Variants in RARB observed in about 807,000 individuals in gnomAD.
RARB encodes retinoic acid receptor beta, also known as HBV-activated protein.
Under a neutral mutation model 51.9 loss-of-function variants are expected in RARB, and 17 were observed. The observed-to-expected ratio is 0.33, with a 90% CI of 0.22 to 0.49. The LOEUF (loss-of-function observed/expected upper bound fraction) is 0.49. RARB is among the 20% of genes least tolerant of loss of function. The pLI is 0.99. For synonymous variants in RARB, 215 were observed against 195.4 expected, an observed-to-expected ratio of 1.10 and a Z score of -0.84; for missense variants, 369 against 550.8, an observed-to-expected ratio of 0.67 and a Z score of 3.30.
intron 5 of RARB, among the ~76,000 whole-genome samples, chr3:25,219,777 A>C (rs73149210): frequency 0.013 from 1,918 of 152,272 alleles, 41 homozygotes; most frequent in African/African-American, 0.044. Flanking sequence ...GAACCATACT[A>C]CCAAATGGTT....
At chr3:25,304,698 T>C (rs1704117046) in intron 5 of RARB, among the ~76,000 whole-genome samples, 1 of 152,176 alleles carries the variant, frequency 6.6e-6, no homozygotes, top group South Asian at 2.1e-4. Flanking sequence ...ATTATAATAG[T>C]TAATTAGTTT....
intron 4 of RARB, among the ~76,000 whole-genome samples, chr3:25,160,304 C>T (rs570788588): frequency 6.6e-6 from 1 of 152,290 alleles, no homozygotes; most frequent in African/African-American, 2.4e-5. Flanking sequence ...AAAGACTTTT[C>T]TAGGAAATGT....
intron 3 of RARB, among the ~76,000 whole-genome samples, chr3:25,506,273 A>C (rs1299515550): frequency 1.3e-5 from 2 of 151,282 alleles, no homozygotes; most frequent in African/African-American, 2.4e-5. Flanking sequence ...AAAAAAAAAA[A>C]AAACCAGCTC....
chr3:24,980,716 C>A (rs1696642864), intron 2 of RARB, among the ~76,000 whole-genome samples: 2 of 152,134 alleles, frequency 1.3e-5, no homozygotes. Context: ...GAACATGCTC[C>A]TTTAGCTCAG....
chr3:25,233,057 C>A (rs868723282), intron 5 of RARB, among the ~76,000 whole-genome samples: 1 of 145,646 alleles, frequency 6.9e-6, no homozygotes, highest in Middle Eastern at 3.8e-3. Flanking sequence ...CTTACTGCAA[C>A]CTCTGTCTTC....
intron 2 of RARB, among the ~76,000 whole-genome samples, chr3:24,905,124 T>C (rs1406304380): frequency 6.6e-6 from 1 of 152,100 alleles, no homozygotes; most frequent in Non-Finnish European, 1.5e-5. Flanking sequence ...ATCCCAGAAC[T>C]TAAAGTATAA....
intron 5 of RARB, among the ~76,000 whole-genome samples, chr3:25,208,205 G>GGGGATTACATCTC (rs1475293420): frequency 2.0e-5 from 3 of 152,180 alleles, no homozygotes; most frequent in Non-Finnish European, 4.4e-5. Context: ...CATCTCAACT[G>GGGGATTACATCTC]AAGATTTGGA....
intron 4 of RARB, chr3:25,174,072 G>C (rs1700695772): frequency 1.1e-5 from 2 of 177,596 alleles, no homozygotes; most frequent in African/African-American, 4.7e-5. Context: ...TGATAAAAAG[G>C]GAGAGATTTT....
At chr3:25,402,273 A>G (rs1260684929) in intron 5 of RARB, among the ~76,000 whole-genome samples, 4 of 152,190 alleles carry the variant, frequency 2.6e-5, no homozygotes, top group Non-Finnish European at 5.9e-5. Context: ...GAATTTGTTG[A>G]TGGTTTAGAA....
At chr3:25,287,521 C>T (rs1488536494) in intron 5 of RARB, among the ~76,000 whole-genome samples, 1 of 152,126 alleles carries the variant, frequency 6.6e-6, no homozygotes, top group African/African-American at 2.4e-5. Context: ...TGCTTCCATC[C>T]ATCCTATCCT....
At chr3:24,997,513 A>G (rs1356785580) in intron 2 of RARB, among the ~76,000 whole-genome samples, 4 of 151,652 alleles carry the variant, frequency 2.6e-5, no homozygotes, top group Non-Finnish European at 4.4e-5. Flanking sequence ...TATATTCTTC[A>G]TTCCTTAATT....
intron 5 of RARB, among the ~76,000 whole-genome samples, chr3:25,352,709 G>T (rs1041884465): frequency 6.6e-6 from 1 of 152,166 alleles, no homozygotes. Context: ...TCTGAACAGA[G>T]CTCAACTCAA....
chr3:25,386,260 A>G (rs1057000421), intron 5 of RARB, among the ~76,000 whole-genome samples: 6 of 151,792 alleles, frequency 4.0e-5, no homozygotes, highest in African/African-American at 1.5e-4. Context: ...TGGAAAGGGA[A>G]GGGTGGGGAA....
chr3:25,160,924 T>A lies in RARB; in HGVS notation c.-279-13195T>A, dbSNP rs148340221. On this transcript the variant is annotated intron_variant, in intron 4 of 11. Coordinates refer to the RARB transcript ENST00000383772. ...CATCACATCACCTTCTCCTCTTCTA[T>A]AATCAAATCTCCCTTTGCCTCCCTC... Among the ~76,000 whole-genome samples, 16 of 152,248 alleles carry A rather than the reference T, an allele frequency of 1.1e-4. 1 individual carries two copies. The South Asian group carries it at 2.3e-3, about 22-fold the overall frequency.
intron 2 of RARB, among the ~76,000 whole-genome samples, chr3:24,877,345 A>ATTTTTTTTTTTTTTTTTTTTTT (rs1559379782): frequency 5.6e-5 from 1 of 17,760 alleles, no homozygotes; most frequent in African/African-American, 2.9e-4. Context: ...AAGCAATCTT[A>ATTTTTTTTTTTTTTTTTTTTTT]CTTTTTTTTT....
In RARB at chr3:25,428,581, A is replaced by G; in HGVS notation, c.-151A>G. The G allele has an allele frequency of 2.9e-6, 4 of 1,375,652 alleles. No individual in the cohort carries two copies. The highest frequency in any genetic ancestry group is 4.0e-5 in the South Asian group (2 of 50,466). 85.2% of individuals were successfully genotyped at this position (1,375,652 alleles called of 1,614,324 possible). On this transcript the variant is annotated 5_prime_UTR_variant, in exon 1 of 8. Coordinates refer to ENST00000330688, the MANE Select transcript of RARB (RefSeq NM_000965.5). Reference sequence around the variant, plus strand: ...CAGGCTTTTAGCTGGCTTGTCTGTCATAATTCATGATTCGGGGCTGGGAAA... The same window carrying G: ...CAGGCTTTTAGCTGGCTTGTCTGTCGTAATTCATGATTCGGGGCTGGGAAA...
intron 3 of RARB, among the ~76,000 whole-genome samples, chr3:25,066,064 GT>G (rs1391792001): frequency 6.6e-6 from 1 of 152,132 alleles, no homozygotes; most frequent in Non-Finnish European, 1.5e-5. Context: ...ATAAACAGGT[GT>G]TTTTTTCTGA....
chr3:25,519,637 C>G (rs1553627117), intron 3 of RARB, among the ~76,000 whole-genome samples: 2 of 151,898 alleles, frequency 1.3e-5, no homozygotes, highest in Non-Finnish European at 2.9e-5. Flanking sequence ...AGATAAAACC[C>G]AAAATGTCAA....
At chr3:25,452,998 A>C (rs573617875) in intron 1 of RARB, among the ~76,000 whole-genome samples, 1 of 152,334 alleles carries the variant, frequency 6.6e-6, no homozygotes, top group East Asian at 1.9e-4. Flanking sequence ...ACACAGCCTG[A>C]AGATCTTAAT....
Sources: gnomAD v4.1 joint callset for allele counts (sites outside exome capture counted in the v4.1 genomes callset) on GRCh38, gnomAD v4.1.1 for gene constraint, MANE v1.5 for transcripts, NCBI Gene and HGNC (gene_info 2026-07-23, HGNC 2026-07-21) for gene names.